BABAM2: variants seen among roughly 807,000 people sequenced by gnomAD.
The protein encoded by BABAM2 is BRISC and BRCA1-A complex member 2.
Under a neutral mutation model 54.7 loss-of-function variants are expected in BABAM2, and 31 were observed. The ratio of observed to expected loss-of-function variants is 0.57; its 90% CI spans 0.43 to 0.77. BABAM2 has a LOEUF of 0.77. Ranked by LOEUF, BABAM2 falls within the 30% of genes least tolerant of loss-of-function variation. BABAM2 has a pLI of 0.00. For missense variants in BABAM2, 364 were observed against 455.8 expected (o/e 0.80, Z 1.83); for synonymous variants, 167 against 162.9 (o/e 1.03, Z -0.19).
At chr2:28,025,530 G>C in intron 5 of BABAM2, 110 bp downstream of exon 5, 2 of 1,077,664 alleles carry the variant, frequency 1.9e-6, no homozygotes, top group Non-Finnish European at 2.6e-6. Flanking sequence ...CATGGTCCAG[G>C]TAGCCTATAT....
At chr2:28,040,036 T>C (rs1676948883) in intron 5 of BABAM2, among the ~76,000 whole-genome samples, 2 of 152,128 alleles carry the variant, frequency 1.3e-5, no homozygotes, top group Non-Finnish European at 2.9e-5. Context: ...GAAAGATTGC[T>C]GTGAAAGCAA....
At chr2:27,993,889 C>T (rs1672948306) in intron 4 of BABAM2, among the ~76,000 whole-genome samples, 1 of 152,096 alleles carries the variant, frequency 6.6e-6, no homozygotes, top group South Asian at 2.1e-4. Context: ...TGTGTCCTTG[C>T]AAAATAGTTC....
intron 3 of BABAM2, among the ~76,000 whole-genome samples, chr2:27,956,594 T>C (rs934089856): frequency 2.0e-5 from 3 of 152,222 alleles, no homozygotes; most frequent in Admixed American, 1.3e-4. Flanking sequence ...TGATGTCTTA[T>C]GTGGAAATTC....
intron 6 of BABAM2, among the ~76,000 whole-genome samples, chr2:28,051,885 G>A (rs1209358060): frequency 1.3e-5 from 2 of 151,922 alleles, no homozygotes; most frequent in African/African-American, 2.4e-5. Flanking sequence ...TCTGACCTCA[G>A]GTGATCCACC....
At chr2:28,292,650 GCCTCAAGACCTCAC>G (rs1179032297) in intron 10 of BABAM2, among the ~76,000 whole-genome samples, 3 of 152,126 alleles carry the variant, frequency 2.0e-5, no homozygotes, top group African/African-American at 7.2e-5. Context: ...TCAACTCCAA[GCCTCAAGACCTCAC>G]ATGATCAGCT....
At chr2:28,123,723 G>A (rs1669268867) in intron 6 of BABAM2, among the ~76,000 whole-genome samples, 1 of 152,126 alleles carries the variant, frequency 6.6e-6, no homozygotes, top group Non-Finnish European at 1.5e-5. Context: ...TTCAAACTTA[G>A]ATATCCATTA....
intron 11 of BABAM2, among the ~76,000 whole-genome samples, chr2:28,312,254 T>A (rs1689152352): frequency 6.6e-6 from 1 of 152,244 alleles, no homozygotes; most frequent in East Asian, 1.9e-4. Flanking sequence ...AGATTCTGTC[T>A]TGTCTTTTGT....
rs1035764309 is a variant in BABAM2, at chr2:28,203,295, A to G, written c.681-33907A>G. The stretch of plus-strand genomic sequence containing the variant: ...TCTTCTCTAGTAGTTAGAAAACTCA[A>G]TTCAGATCACCATCATCCCACAGCC... On this transcript the variant is annotated intron_variant, in intron 7 of 11. Transcript: ENST00000379624. Among the ~76,000 whole-genome samples the G allele has an allele frequency of 2.6e-5, 4 of 152,322 alleles. 1 individual carries two copies. Among genetic ancestry groups the G allele is most frequent in the African/African-American group, 7.2e-5 (3 of 41,588 alleles).
At chr2:28,294,089 G>A (rs1459531203) in intron 10 of BABAM2, among the ~76,000 whole-genome samples, 2 of 151,674 alleles carry the variant, frequency 1.3e-5, no homozygotes, top group Non-Finnish European at 2.9e-5. Context: ...TTCTAAGAAA[G>A]CAAATGGCTG....
chr2:28,024,337 CG>C, intron 4 of BABAM2, among the ~76,000 whole-genome samples: 1 of 151,228 alleles, frequency 6.6e-6, no homozygotes, highest in South Asian at 2.1e-4. Context: ...ACCCGGGAGG[CG>C]GAGCTTGCAG....
intron 6 of BABAM2, among the ~76,000 whole-genome samples, chr2:28,071,408 C>T (rs1431873841): frequency 6.6e-6 from 1 of 152,172 alleles, no homozygotes; most frequent in African/African-American, 2.4e-5. Flanking sequence ...GTATTTACTG[C>T]CAATTGGCAG....
chr2:28,139,013 C>T (rs1292188722), intron 7 of BABAM2, among the ~76,000 whole-genome samples: 1 of 152,148 alleles, frequency 6.6e-6, no homozygotes, highest in Non-Finnish European at 1.5e-5. Context: ...CCTCAGTGCC[C>T]ACCACACTCA....
chr2:28,155,473 A>C lies in BABAM2; in HGVS notation c.680+26093A>C. On this transcript the variant is annotated intron_variant, in intron 7 of 11. Coordinates refer to ENST00000379624, the MANE Select transcript of BABAM2 (RefSeq NM_199191.3). ...ATGGAGTACACCGTATTTTAATGCA[A>C]GCAGATGAGAATCCTGATGACTTAT... 1.3e-5 allele frequency among the ~76,000 whole-genome samples: 2 copies of C among 152,144 alleles called. 1 individual carries two copies. The highest frequency in any genetic ancestry group is 4.1e-4 in the South Asian group (2 of 4,830).
At chr2:28,195,602 T>TTGAACAATTC (rs1677440683) in intron 7 of BABAM2, among the ~76,000 whole-genome samples, 1 of 152,228 alleles carries the variant, frequency 6.6e-6, no homozygotes, top group African/African-American at 2.4e-5. Context: ...GGTCTTCAGG[T>TTGAACAATTC]ACAGCAGTGA....
At chr2:28,237,371 A>T (rs377497534) in intron 8 of BABAM2, 70 bp downstream of exon 8, 2 of 1,361,584 alleles carry the variant, frequency 1.5e-6, no homozygotes, top group Admixed American at 3.4e-5. Flanking sequence ...ACCCAAAATC[A>T]TCGTGCATGC....
intron 6 of BABAM2, among the ~76,000 whole-genome samples, chr2:28,104,113 A>G (rs1344308217): frequency 6.6e-6 from 1 of 152,154 alleles, no homozygotes; most frequent in Non-Finnish European, 1.5e-5. Flanking sequence ...AGGCAATACC[A>G]TTCAGGACAT....
chr2:28,036,592 CAG>C, intron 5 of BABAM2, among the ~76,000 whole-genome samples: 1 of 152,024 alleles, frequency 6.6e-6, no homozygotes, highest in Non-Finnish European at 1.5e-5. Context: ...TCAAAAGAAT[CAG>C]AAGCTGGCAA....
At chr2:28,332,949 G>C (rs1691092173) in intron 11 of BABAM2, among the ~76,000 whole-genome samples, 1 of 152,176 alleles carries the variant, frequency 6.6e-6, no homozygotes, top group Non-Finnish European at 1.5e-5. Flanking sequence ...TGATCAGTGA[G>C]AAGGGAGGGC....
intron 10 of BABAM2, among the ~76,000 whole-genome samples, chr2:28,269,330 C>T (rs1031967170): frequency 1.3e-5 from 2 of 152,206 alleles, no homozygotes; most frequent in African/African-American, 4.8e-5. Flanking sequence ...TCTCCACCCT[C>T]TGTAGAGACT....
Sources: allele counts gnomAD v4.1 joint callset (sites outside exome capture counted in the v4.1 genomes callset), GRCh38; gene constraint gnomAD v4.1.1; transcripts MANE v1.5; gene names NCBI Gene and HGNC (gene_info 2026-07-23, HGNC 2026-07-21).